The following SLC1A6 variants were observed in gnomAD, a reference collection of about 807,000 sequenced individuals.
SLC1A6 encodes the protein excitatory amino acid transporter 4.
Under a neutral mutation model 42.1 loss-of-function variants are expected in SLC1A6, and 15 were observed. The ratio of observed to expected loss-of-function variants is 0.36; its 90% CI spans 0.24 to 0.55. The LOEUF is 0.55. SLC1A6 is among the 20% of genes least tolerant of loss of function. The pLI is 0.88. For missense variants in SLC1A6, 542 were observed against 772.5 expected (o/e 0.70, Z 3.54); for synonymous variants, 317 against 319.7 (o/e 0.99, Z 0.09).
chr19:14,996,662 T>G (rs1357209061), intron 1 of SLC1A6, among the ~76,000 whole-genome samples: 1 of 151,972 alleles, frequency 6.6e-6, no homozygotes, highest in East Asian at 1.9e-4. Context: ...TTTTTCCCAC[T>G]GACTGACAAG....
chr19:14,975,883 AGGGAAGGGAAGGAAAGGGAAGG>A (rs2045703943), intron 1 of SLC1A6, among the ~76,000 whole-genome samples: 2 of 34,192 alleles, frequency 5.8e-5, no homozygotes, highest in African/African-American at 1.4e-4. Flanking sequence ...AGGGAAGGGA[AGGGAAGGGAAGGAAAGGGAAGG>A]GGGAAGGGAA....
chr19:15,008,926 G>A (rs2145248433), intron 1 of SLC1A6, among the ~76,000 whole-genome samples: 1 of 151,496 alleles, frequency 6.6e-6, no homozygotes, highest in East Asian at 1.9e-4. Flanking sequence ...AGCCTGGGAG[G>A]CAGAGGTTGC....
chr19:14,987,483 T>TAAAA (rs2045798593), intron 1 of SLC1A6, among the ~76,000 whole-genome samples: 2 of 150,750 alleles, frequency 1.3e-5, no homozygotes, highest in African/African-American at 5.0e-5. Context: ...AAAAAAATTT[T>TAAAA]TTTTAATTAA....
intron 6 of SLC1A6, among the ~76,000 whole-genome samples, chr19:14,960,158 T>C (rs546740898): frequency 3.3e-5 from 5 of 152,230 alleles, no homozygotes; most frequent in African/African-American, 7.2e-5. Context: ...AACAACTGGA[T>C]GAATAAGTAA....
rs184706967 is a variant in SLC1A6, at chr19:14,972,785, C to G, written c.126G>C (p.Gln42His). The G allele has an allele frequency of 6.2e-7, 1 of 1,613,806 alleles. No individual in the cohort carries two copies. Among genetic ancestry groups the G allele is most frequent in the Non-Finnish European group, 8.5e-7 (1 of 1,179,968 alleles). Residue 42 changes from glutamine (Q) to histidine (H), a missense_variant, in exon 2 of 10, where the codon CAG becomes CAC. Physicochemically the swap from Gln to His is conservative, Grantham distance 24. Transcript: ENST00000594383. ...QRALRTRLRL[Q>H]TMTLEHVLRF... ...GCAGCACGTGCTCGAGGGTCATGGT[C>G]TGCAGGCGCAGGCGCGTGCGCAGTG...
chr19:14,959,729 C>T (rs1223657401), intron 6 of SLC1A6, among the ~76,000 whole-genome samples: 10 of 152,158 alleles, frequency 6.6e-5, no homozygotes, highest in African/African-American at 1.9e-4. Flanking sequence ...TACCTTCAAG[C>T]TTTGCATGTT....
chr19:14,970,593 T>C (rs2045628206), intron 3 of SLC1A6, among the ~76,000 whole-genome samples: 2 of 151,614 alleles, frequency 1.3e-5, no homozygotes, highest in South Asian at 2.1e-4. Flanking sequence ...TGCCTGTAGT[T>C]CCAGCTACTC....
At chr19:15,009,531 T>C (rs551039859) in intron 1 of SLC1A6, among the ~76,000 whole-genome samples, 2 of 152,196 alleles carry the variant, frequency 1.3e-5, no homozygotes, top group South Asian at 4.2e-4. Context: ...ACTCATGTTC[T>C]CACTTCTAAG....
rs572816385 is a variant in SLC1A6 at position 14,956,523 on chromosome 19, A to G, written c.1122T>C (p.Ile374=). The G allele has an allele frequency of 6.2e-7, 1 of 1,609,596 alleles. No individual in the cohort carries two copies. The highest frequency in any genetic ancestry group is 1.3e-5 in the African/African-American group (1 of 74,896). Reference sequence around the variant, plus strand: ...TGATGAGGGCTTGTAGCATGCCCCCAATGAAGGGGAAGGGGTTCCGGTGAG... The same window carrying G: ...TGATGAGGGCTTGTAGCATGCCCCCGATGAAGGGGAAGGGGTTCCGGTGAG... ...LVTHRNPFPF[I]GGMLQALITA... is the part of the protein sequence containing the mutation. Residue 374 remains isoleucine, a synonymous_variant, in exon 7 of 10, where the codon ATT becomes ATC. Transcript: ENST00000594383.
At chr19:14,984,941 G>A (rs547699191) in intron 1 of SLC1A6, among the ~76,000 whole-genome samples, 3 of 152,300 alleles carry the variant, frequency 2.0e-5, no homozygotes, top group Admixed American at 2.0e-4. Flanking sequence ...GAGTGCAGTG[G>A]TGTGATCTCG....
intron 1 of SLC1A6, among the ~76,000 whole-genome samples, chr19:15,000,365 T>C (rs2045866924): frequency 6.6e-6 from 1 of 152,180 alleles, no homozygotes; most frequent in African/African-American, 2.4e-5. Flanking sequence ...GACCAACATC[T>C]CCCCAATTGC....
upstream of SLC1A6, among the ~76,000 whole-genome samples, chr19:14,984,282 G>A (rs188241039): frequency 1.6e-4 from 24 of 152,072 alleles, no homozygotes; most frequent in Admixed American, 5.9e-4. Flanking sequence ...GTGGTGAGCC[G>A]AGATCGTGCC....
chr19:14,990,622 A>G (rs1246387411), intron 1 of SLC1A6, among the ~76,000 whole-genome samples: 2 of 152,148 alleles, frequency 1.3e-5, no homozygotes, highest in Non-Finnish European at 2.9e-5. Context: ...ATACAAAATT[A>G]GCCAGGAGTG....
intron 1 of SLC1A6, among the ~76,000 whole-genome samples, chr19:14,988,918 C>G (rs1240182497): frequency 6.6e-6 from 1 of 152,024 alleles, no homozygotes; most frequent in Non-Finnish European, 1.5e-5. Flanking sequence ...ACTCAGGAGG[C>G]AGAGGTGGGA....
At chr19:14,956,428 CAAG>C (rs995732992) in intron 7 of SLC1A6, 45 bp downstream of exon 7, 7 of 1,299,422 alleles carry the variant, frequency 5.4e-6, no homozygotes, top group Non-Finnish European at 7.4e-6. Flanking sequence ...ACATGAAGGA[CAAG>C]AAGTGCAACC....
At chr19:15,006,350 C>T (rs1489693842) in intron 1 of SLC1A6, among the ~76,000 whole-genome samples, 1 of 152,126 alleles carries the variant, frequency 6.6e-6, no homozygotes, top group Non-Finnish European at 1.5e-5. Context: ...ATAATATCCT[C>T]CTGATGCTCA....
intron 6 of SLC1A6, 52 bp downstream of exon 6, chr19:14,961,950 C>A (rs1224658804): frequency 6.4e-7 from 1 of 1,550,452 alleles, no homozygotes; most frequent in Admixed American, 2.0e-5. Flanking sequence ...TCCCCACAGC[C>A]TGACTTCCCA....
At chr19:14,956,784 G>T in intron 6 of SLC1A6, 75 bp from the exon 7 acceptor site, 1 of 1,004,722 alleles carries the variant, frequency 1.0e-6, no homozygotes, top group Non-Finnish European at 1.5e-6. Flanking sequence ...GCATCCCCAA[G>T]GCTTTGCCCA....
At chr19:14,998,877 T>TTTAC (rs1207431798) in intron 1 of SLC1A6, among the ~76,000 whole-genome samples, 1 of 150,520 alleles carries the variant, frequency 6.6e-6, no homozygotes, top group Non-Finnish European at 1.5e-5. Context: ...TATTTATTTA[T>TTTAC]TTATTTATTT....
Sources: gnomAD v4.1 joint callset for allele counts (sites outside exome capture counted in the v4.1 genomes callset) on GRCh38, gnomAD v4.1.1 for gene constraint, MANE v1.5 for transcripts, NCBI Gene and HGNC (gene_info 2026-07-23, HGNC 2026-07-21) for gene names.